RNF216: variants seen among roughly 807,000 people sequenced by gnomAD.
The protein encoded by RNF216 is ring finger protein 216, also known as E3 ubiquitin-protein ligase RNF216.
Under a neutral mutation model 110.8 loss-of-function variants are expected in RNF216, and 72 were observed. That is an observed-to-expected ratio of 0.65 (90% CI 0.54 to 0.79). The LOEUF (loss-of-function observed/expected upper bound fraction) is 0.79. Ranked by LOEUF, RNF216 falls within the 30% of genes least tolerant of loss-of-function variation. RNF216 has a pLI of 0.00. For synonymous variants in RNF216, 495 were observed against 407.5 expected (o/e 1.21, Z -2.59); for missense variants, 1,342 against 1,141.2 (o/e 1.18, Z -2.54).
rs1562412997 is a variant in RNF216, at chr7:5,707,720, T to TGG, written c.2061+4040_2061+4041insCC. Among the ~76,000 whole-genome samples the TGG allele has an allele frequency of 9.6e-3, 479 of 49,738 alleles. 2 individuals carry two copies. Among genetic ancestry groups the TGG allele is most frequent in the African/African-American group, 0.055 (461 of 8,436 alleles). The allele number at this position is 49,738 out of a possible 152,430, so 32.6% of individuals were successfully genotyped here. A position where few individuals can be genotyped will look rare whatever the true frequency, so the allele number is the denominator to read the frequency against. Reference sequence around the variant, plus strand: ...AAGCTTTTCAGTGTGTGTGTGTGGTTTTTTTTTTTTTTTTTTTTTTTGTGA... The same window carrying TGG: ...AAGCTTTTCAGTGTGTGTGTGTGGTTGGTTTTTTTTTTTTTTTTTTTTTGTGA... On this transcript the variant is annotated intron_variant, in intron 13 of 16. Transcript: ENST00000389902.
At chr7:5,756,837 T>C (rs546851356) in intron 2 of RNF216, among the ~76,000 whole-genome samples, 3 of 152,264 alleles carry the variant, frequency 2.0e-5, no homozygotes, top group African/African-American at 7.2e-5. Context: ...AATCTCACCA[T>C]GTCGCCCAGG....
At chr7:5,632,022 T>C (rs529558864) in intron 15 of RNF216, among the ~76,000 whole-genome samples, 1 of 152,240 alleles carries the variant, frequency 6.6e-6, no homozygotes, top group African/African-American at 2.4e-5. Context: ...AGGTGGGCAG[T>C]GTGCTGAGGC....
intron 14 of RNF216, among the ~76,000 whole-genome samples, chr7:5,648,716 A>T (rs893623294): frequency 1.1e-4 from 16 of 147,390 alleles, no homozygotes; most frequent in African/African-American, 4.1e-4. Flanking sequence ...TGACAGAGTG[A>T]GACTCTGTCT....
intron 3 of RNF216, among the ~76,000 whole-genome samples, chr7:5,745,105 C>T (rs1023917493): frequency 5.3e-5 from 8 of 152,218 alleles, no homozygotes; most frequent in East Asian, 1.9e-4. Flanking sequence ...GTAAGATCTA[C>T]GGAGAAAACA....
At chr7:5,779,739 G>C (rs1368630119) in intron 1 of RNF216, among the ~76,000 whole-genome samples, 3 of 148,010 alleles carry the variant, frequency 2.0e-5, no homozygotes, top group Non-Finnish European at 4.5e-5. Context: ...TGAGGCAGGA[G>C]AATTACTTGA....
At chr7:5,642,365 C>G (rs1382036842) in intron 14 of RNF216, among the ~76,000 whole-genome samples, 1 of 152,074 alleles carries the variant, frequency 6.6e-6, no homozygotes, top group East Asian at 1.9e-4. Flanking sequence ...AGGCGCCCAC[C>G]ACCATGCCCA....
intron 14 of RNF216, among the ~76,000 whole-genome samples, chr7:5,643,823 A>G (rs1787888148): frequency 6.6e-6 from 1 of 152,174 alleles, no homozygotes; most frequent in South Asian, 2.1e-4. Flanking sequence ...GTACCCACTA[A>G]GCAGGCATTC....
At chr7:5,719,411 G>A (rs1414656241) in intron 9 of RNF216, among the ~76,000 whole-genome samples, 2 of 152,186 alleles carry the variant, frequency 1.3e-5, no homozygotes, top group Non-Finnish European at 2.9e-5. Context: ...AGGTACTTTG[G>A]AAAATTGTTG....
chr7:5,711,303 C>T lies in RNF216; in HGVS notation c.2061+458G>A, dbSNP rs571529694. 5.9e-5 allele frequency among the ~76,000 whole-genome samples: 9 copies of T among 152,288 alleles called. No homozygotes were observed. In the East Asian group the frequency reaches 1.7e-3, roughly 29 times the overall value. ...TGAGGAGAAACAGTCAAATAAATAA[C>T]CTACCAGATGTGATGGAGATGCCAC... is the stretch of plus-strand genomic sequence containing the variant. On this transcript the variant is annotated intron_variant, in intron 13 of 16. Coordinates refer to ENST00000389902, the MANE Select transcript of RNF216 (RefSeq NM_207111.4).
At position 5,752,999 on chromosome 7, in the gene RNF216, A is replaced by G. The variant is rs767411351; in HGVS notation, c.68-20T>C. 4 of 1,598,910 alleles carry G rather than the reference A, an allele frequency of 2.5e-6. No individual in the cohort carries two copies. In the African/African-American group the frequency reaches 5.4e-5, roughly 22 times the overall value. ...TCCACTCTACAGGAAAGCAGAGAAC[A>G]CTGTTACTGGGAGGTTGGCACTATC... is the stretch of plus-strand genomic sequence containing the variant. On this transcript the variant is annotated intron_variant, in intron 2 of 16. Coordinates refer to ENST00000389902, the MANE Select transcript of RNF216 (RefSeq NM_207111.4).
At chr7:5,715,238 AG>A (rs1485241941) in intron 10 of RNF216, 48 bp from the exon 11 acceptor site, 1 of 1,578,602 alleles carries the variant, frequency 6.3e-7, no homozygotes, top group Non-Finnish European at 8.6e-7. Context: ...ACTTAAGGAG[AG>A]GGGGAGCCTT....
intron 13 of RNF216, among the ~76,000 whole-genome samples, chr7:5,681,732 C>G (rs901428303): frequency 6.6e-6 from 1 of 152,184 alleles, no homozygotes; most frequent in African/African-American, 2.4e-5. Context: ...ACTGCGAAAC[C>G]ACACTGCTCA....
At chr7:5,693,047 A>G (rs1377387499) in intron 13 of RNF216, among the ~76,000 whole-genome samples, 1 of 152,166 alleles carries the variant, frequency 6.6e-6, no homozygotes, top group Admixed American at 6.5e-5. Context: ...TTCACTTAAT[A>G]TCTTGGAGAC....
intron 3 of RNF216, among the ~76,000 whole-genome samples, chr7:5,744,732 G>A (rs948911880): frequency 3.9e-5 from 6 of 152,148 alleles, no homozygotes; most frequent in African/African-American, 1.4e-4. Flanking sequence ...CAGCACTTTG[G>A]GAGCCTGAGG....
intron 9 of RNF216, among the ~76,000 whole-genome samples, chr7:5,718,367 C>T (rs1457078639): frequency 1.3e-5 from 2 of 152,142 alleles, no homozygotes; most frequent in East Asian, 1.9e-4. Flanking sequence ...GGTGACAAAG[C>T]GAGACTCCGT....
At chr7:5,700,403 ATTC>A in intron 13 of RNF216, among the ~76,000 whole-genome samples, 1 of 152,352 alleles carries the variant, frequency 6.6e-6, no homozygotes, top group African/African-American at 2.4e-5. Context: ...GTAGGTATCA[ATTC>A]TTGAGGGATT....
At position 5,698,092 on chromosome 7, in the gene RNF216, A is replaced by AT. The variant is rs568851967; in HGVS notation, c.2061+13668dup. Among the ~76,000 whole-genome samples, 515 of 152,328 alleles carry AT rather than the reference A, an allele frequency of 3.4e-3. 1 individual carries two copies. The highest frequency in any genetic ancestry group is 0.012 in the African/African-American group (482 of 41,566). ...GAAAAAAAAGTACTTTTATGAGGCT[A>AT]TGGGGATTTCATCTGAGAAACTCTC... On this transcript the variant is annotated intron_variant, in intron 13 of 16. Transcript: ENST00000389902.
chr7:5,637,920 A>G (rs1390597965), intron 15 of RNF216, among the ~76,000 whole-genome samples: 2 of 152,150 alleles, frequency 1.3e-5, no homozygotes, highest in Non-Finnish European at 2.9e-5. Flanking sequence ...ATCTTGGCTC[A>G]CTGCAATCTC....
intron 2 of RNF216, chr7:5,760,348 C>A: frequency 3.8e-6 from 1 of 260,384 alleles, no homozygotes; most frequent in East Asian, 1.0e-4. Context: ...GAAACCCCAT[C>A]TCTACTAAAA....
Sources: gnomAD v4.1 joint callset for allele counts (sites outside exome capture counted in the v4.1 genomes callset) on GRCh38, gnomAD v4.1.1 for gene constraint, MANE v1.5 for transcripts, NCBI Gene and HGNC (gene_info 2026-07-23, HGNC 2026-07-21) for gene names.